KCNH1: variants seen among roughly 807,000 people sequenced by gnomAD.
KCNH1 encodes voltage-gated delayed rectifier potassium channel KCNH1.
KCNH1 carries 27 observed loss-of-function variants against 69.2 expected under a neutral mutation model. The ratio of observed to expected loss-of-function variants is 0.39; its 90% confidence interval spans 0.29 to 0.54. The LOEUF (loss-of-function observed/expected upper bound fraction) is 0.54. Among genes scored for constraint, KCNH1 ranks in the 20% least tolerant of loss-of-function variants. KCNH1 has a pLI of 0.68. For missense variants in KCNH1, 798 were observed against 1,261.6 expected (o/e 0.63, Z 5.57); for synonymous variants, 456 against 487.7 (o/e 0.93, Z 0.86).
chr1:210,774,885 C>T (rs1683831291), intron 10 of KCNH1, among the ~76,000 whole-genome samples: 1 of 152,168 alleles, frequency 6.6e-6, no homozygotes, highest in African/African-American at 2.4e-5. Flanking sequence ...CTGGACCCAA[C>T]TAAATCATTT....
chr1:210,806,739 G>A (rs1242227304), intron 7 of KCNH1, among the ~76,000 whole-genome samples: 1 of 145,784 alleles, frequency 6.9e-6, no homozygotes, highest in Non-Finnish European at 1.5e-5. Flanking sequence ...GGAGACCGAG[G>A]CAGGCGGATC....
chr1:210,687,183 C>T (rs536523574), intron 10 of KCNH1, among the ~76,000 whole-genome samples: 14 of 152,300 alleles, frequency 9.2e-5, no homozygotes, highest in East Asian at 5.8e-4. Flanking sequence ...CAACGCAAAA[C>T]GGATCCCAAG....
chr1:210,913,640 A>G (rs893808960), intron 7 of KCNH1, among the ~76,000 whole-genome samples: 1 of 152,194 alleles, frequency 6.6e-6, no homozygotes, highest in African/African-American at 2.4e-5. Flanking sequence ...ATATAAGGAC[A>G]CAGCTCCAAC....
chr1:210,884,447 A>C (rs918372365), intron 7 of KCNH1, among the ~76,000 whole-genome samples: 1 of 152,166 alleles, frequency 6.6e-6, no homozygotes, highest in Non-Finnish European at 1.5e-5. Context: ...TTTCAGCTCT[A>C]TTTTATAGAG....
At chr1:210,858,751 A>C (rs2102477637) in intron 7 of KCNH1, 1 of 159,008 alleles carries the variant, frequency 6.3e-6, no homozygotes, top group Middle Eastern at 3.2e-3. Flanking sequence ...CAGGTTTAAA[A>C]ATTACATCTA....
chr1:210,773,127 C>A (rs149396066), intron 10 of KCNH1, among the ~76,000 whole-genome samples: 30 of 152,224 alleles, frequency 2.0e-4, no homozygotes, highest in Admixed American at 3.3e-4. Flanking sequence ...AGGAATACAT[C>A]AAAAAATAGC....
At chr1:210,808,626 C>A (rs1350785445) in intron 7 of KCNH1, among the ~76,000 whole-genome samples, 1 of 151,894 alleles carries the variant, frequency 6.6e-6, no homozygotes, top group East Asian at 1.9e-4. Context: ...GAACTCCTGG[C>A]CTCAAGCAGT....
At chr1:210,997,703 A>G (rs1689079126) in intron 6 of KCNH1, among the ~76,000 whole-genome samples, 1 of 152,218 alleles carries the variant, frequency 6.6e-6, no homozygotes. Context: ...TCCAAGACAC[A>G]TAATTGTCAG....
At chr1:210,934,991 T>A (rs1000868794) in intron 6 of KCNH1, among the ~76,000 whole-genome samples, 1 of 152,028 alleles carries the variant, frequency 6.6e-6, no homozygotes, top group Non-Finnish European at 1.5e-5. Context: ...TGCTGGGTTA[T>A]GCCCAAAAGA....
intron 7 of KCNH1, chr1:210,859,310 T>A: frequency 6.6e-7 from 1 of 1,506,986 alleles, no homozygotes; most frequent in Non-Finnish European, 9.2e-7. Context: ...AGTTACTGTG[T>A]CTGTAACTGT....
intron 6 of KCNH1, among the ~76,000 whole-genome samples, chr1:211,015,997 T>A (rs1689484065): frequency 6.6e-6 from 1 of 152,226 alleles, no homozygotes; most frequent in Non-Finnish European, 1.5e-5. Context: ...CAGGTGATAG[T>A]AAGAGCTTTG....
At chr1:211,091,110 T>C (rs1691043150) in intron 3 of KCNH1, among the ~76,000 whole-genome samples, 1 of 152,188 alleles carries the variant, frequency 6.6e-6, no homozygotes, top group Non-Finnish European at 1.5e-5. Context: ...TCAAACCTCA[T>C]CCATTGCTAA....
intron 6 of KCNH1, among the ~76,000 whole-genome samples, chr1:210,969,831 C>T (rs1459906237): frequency 6.6e-6 from 1 of 151,894 alleles, no homozygotes; most frequent in Non-Finnish European, 1.5e-5. Context: ...ATTTTTAAAT[C>T]TTTCTTCTTT....
intron 3 of KCNH1, among the ~76,000 whole-genome samples, chr1:211,099,610 C>A (rs770514964): frequency 6.6e-6 from 1 of 151,944 alleles, no homozygotes; most frequent in African/African-American, 2.4e-5. Flanking sequence ...CACTCCCTGG[C>A]TCTGACGCCC....
At chr1:210,784,154 C>T (rs1684047712) in intron 9 of KCNH1, among the ~76,000 whole-genome samples, 1 of 152,218 alleles carries the variant, frequency 6.6e-6, no homozygotes, top group Admixed American at 6.5e-5. Flanking sequence ...TTCTGTGCCT[C>T]ACCCCAATGG....
chr1:211,016,922 A>AAAAAAT lies in KCNH1; in HGVS notation c.1032+1860_1032+1861insATTTTT, dbSNP rs139001420. On this transcript the variant is annotated intron_variant, in intron 6 of 10. Coordinates refer to ENST00000271751, the MANE Select transcript of KCNH1 (RefSeq NM_172362.3). ...AGACTCTGTCTCAAAAAAAAAAAAA[A>AAAAAAT]TTTTAAAATTAAAAAAAAAAATTCT... Among the ~76,000 whole-genome samples the AAAAAAT allele has an allele frequency of 5.2e-4, 76 of 146,578 alleles. 2 individuals are homozygous for AAAAAAT. The highest frequency in any genetic ancestry group is 4.5e-3 in the East Asian group (22 of 4,842).
chr1:210,726,881 T>G (rs1682609805), intron 10 of KCNH1, among the ~76,000 whole-genome samples: 1 of 152,146 alleles, frequency 6.6e-6, no homozygotes, highest in Non-Finnish European at 1.5e-5. Context: ...GCCTGCTTAC[T>G]CAACCCTCAA....
At chr1:210,798,741 G>A (rs1484056330) in intron 8 of KCNH1, among the ~76,000 whole-genome samples, 2 of 152,178 alleles carry the variant, frequency 1.3e-5, no homozygotes, top group Non-Finnish European at 2.9e-5. Context: ...AACTTTGACT[G>A]GGATGCTGGC....
chr1:210,860,174 C>T, intron 7 of KCNH1: 1 of 1,188,260 alleles, frequency 8.4e-7, no homozygotes, highest in Non-Finnish European at 1.3e-6. Context: ...GTCTTGGTAT[C>T]AACTGTTACA....
Sources: allele counts gnomAD v4.1 joint callset (sites outside exome capture counted in the v4.1 genomes callset), GRCh38; gene constraint gnomAD v4.1.1; transcripts MANE v1.5; gene names NCBI Gene and HGNC (gene_info 2026-07-23, HGNC 2026-07-21).